The following N4BP1 variants were observed in gnomAD, a reference collection of about 807,000 sequenced individuals.
N4BP1 encodes NEDD4-binding protein 1.
In N4BP1, 21 loss-of-function variants were observed where a neutral mutation model predicts 70.9. The ratio of observed to expected loss-of-function variants is 0.30; its 90% CI spans 0.21 to 0.43. The LOEUF (loss-of-function observed/expected upper bound fraction) is 0.43, where lower values mean the gene tolerates loss of function less well. N4BP1 is among the 20% of genes least tolerant of loss of function. N4BP1 has a pLI of 1.00. For synonymous variants in N4BP1, 387 were observed against 394.6 expected (o/e 0.98, Z 0.23); for missense variants, 936 against 1,069.4 (o/e 0.88, Z 1.74).
intron 1 of N4BP1, among the ~76,000 whole-genome samples, chr16:48,605,261 C>T (rs1286436208): frequency 6.6e-6 from 1 of 152,100 alleles, no homozygotes; most frequent in Non-Finnish European, 1.5e-5. Flanking sequence ...GAACTCCCGA[C>T]CTCAGGTGAT....
In N4BP1 at chr16:48,542,687, C is replaced by T; in HGVS notation, c.*217G>A. 2.3e-6 allele frequency: 1 copy of T among 428,940 alleles called. No homozygotes were observed. Among genetic ancestry groups the T allele is most frequent in the Non-Finnish European group, 4.1e-6 (1 of 243,716 alleles). The allele number at this position is 428,940 out of a possible 1,614,324, so 26.6% of individuals were successfully genotyped here. On this transcript the variant is annotated 3_prime_UTR_variant, in exon 7 of 7. Transcript: ENST00000262384. ...GCAGAAAATGTAGACTTTCCTTTAA[C>T]AGAAAATGTTAAATCTGTAATAGCA...
chr16:48,548,155 C>T (rs1300366911), intron 4 of N4BP1, 41 bp from the exon 5 acceptor site: 16 of 1,166,412 alleles, frequency 1.4e-5, no homozygotes, highest in Non-Finnish European at 2.1e-5. Context: ...CAACAGGCAT[C>T]CTTGGCTCAG....
At chr16:48,597,639 A>G (rs1318706467) in intron 1 of N4BP1, among the ~76,000 whole-genome samples, 1 of 152,174 alleles carries the variant, frequency 6.6e-6, no homozygotes, top group Non-Finnish European at 1.5e-5. Context: ...AACCTGTCCC[A>G]TGACTTCACC....
chr16:48,574,214 A>G (rs766808242), intron 1 of N4BP1, among the ~76,000 whole-genome samples: 11 of 152,220 alleles, frequency 7.2e-5, no homozygotes, highest in Non-Finnish European at 1.2e-4. Context: ...CCATGCGTAT[A>G]TATTATTTTG....
chr16:48,556,629 T>C (rs1284444629), intron 2 of N4BP1, among the ~76,000 whole-genome samples: 1 of 152,212 alleles, frequency 6.6e-6, no homozygotes, highest in Non-Finnish European at 1.5e-5. Flanking sequence ...TATCATCTGG[T>C]TGTTTGCCAT....
intron 2 of N4BP1, among the ~76,000 whole-genome samples, chr16:48,555,321 T>C (rs1963734244): frequency 6.6e-6 from 1 of 151,948 alleles, no homozygotes; most frequent in Non-Finnish European, 1.5e-5. Flanking sequence ...AGCTGGATCA[T>C]ACTCCGGCTT....
intron 1 of N4BP1, among the ~76,000 whole-genome samples, chr16:48,566,530 T>C (rs1414998021): frequency 2.0e-5 from 3 of 152,240 alleles, no homozygotes; most frequent in Non-Finnish European, 4.4e-5. Context: ...CCTGCTATCC[T>C]TCTGTTGGTG....
At chr16:48,578,093 T>G (rs1964124734) in intron 1 of N4BP1, 1 of 158,948 alleles carries the variant, frequency 6.3e-6, no homozygotes, top group Non-Finnish European at 1.4e-5. Flanking sequence ...ACCTCATCCT[T>G]GAGAGAGCCC....
intron 1 of N4BP1, among the ~76,000 whole-genome samples, chr16:48,565,028 C>T (rs764716254): frequency 6.6e-6 from 1 of 152,112 alleles, no homozygotes; most frequent in Non-Finnish European, 1.5e-5. Context: ...TGAAACCTTC[C>T]TGAACTCACT....
chr16:48,577,659 G>C, intron 1 of N4BP1: 1 of 222,752 alleles, frequency 4.5e-6, no homozygotes, highest in Non-Finnish European at 9.3e-6. Context: ...GGGTCAGGCA[G>C]CTGTAGGTCT....
intron 1 of N4BP1, among the ~76,000 whole-genome samples, chr16:48,604,927 T>G (rs577216075): frequency 6.6e-6 from 1 of 152,258 alleles, no homozygotes; most frequent in South Asian, 2.1e-4. Context: ...CACGGCTTCA[T>G]TCACCACAGT....
chr16:48,544,780 G>A (rs1169448038), intron 6 of N4BP1, among the ~76,000 whole-genome samples: 4 of 152,246 alleles, frequency 2.6e-5, no homozygotes, highest in South Asian at 4.1e-4. Flanking sequence ...TAAGCAGTAA[G>A]GAAATTAATA....
Position 48,543,146 on chromosome 16 carries a change from C to T in N4BP1, c.2449G>A (p.Gly817Arg), listed in dbSNP as rs747796282. The T allele has an allele frequency of 1.2e-6, 2 of 1,605,268 alleles. No individual in the cohort carries two copies. The highest frequency in any genetic ancestry group is 1.3e-5 in the African/African-American group (1 of 74,910). Reference protein sequence around the residue: ...TSHQPPTRIQGAPSSHWLPQQ... With the variant: ...TSHQPPTRIQRAPSSHWLPQQ... ...GGGAGCCAGTGGCTTGAAGGGGCTC[C>T]CTGAATCCGGGTCGGAGGCTGGTGG... is the stretch of plus-strand genomic sequence containing the variant. The change falls in exon 7 of 7, where the codon GGA becomes AGA. Residue 817 changes from glycine (G) to arginine (R), a missense_variant. Gly to Arg is a moderately radical substitution (Grantham distance 125, BLOSUM62 -2). Transcript: ENST00000262384.
chr16:48,582,795 A>G (rs966081603), intron 1 of N4BP1, among the ~76,000 whole-genome samples: 10 of 152,194 alleles, frequency 6.6e-5, no homozygotes, highest in African/African-American at 2.4e-4. Flanking sequence ...GGACCACTGT[A>G]CATGAAAAAA....
chr16:48,562,479 C>T (rs769116720), intron 1 of N4BP1, 35 bp from the exon 2 acceptor site: 81 of 1,529,932 alleles, frequency 5.3e-5, no homozygotes, highest in Middle Eastern at 1.8e-4. Context: ...GGTCAATTTA[C>T]AAAAGTTCCT....
intron 1 of N4BP1, among the ~76,000 whole-genome samples, chr16:48,583,457 G>A (rs1393449290): frequency 2.6e-5 from 4 of 152,166 alleles, no homozygotes; most frequent in Non-Finnish European, 5.9e-5. Context: ...AGTTAGATAG[G>A]AGGAATAAAT....
At chr16:48,557,284 T>C (rs906811252) in intron 2 of N4BP1, among the ~76,000 whole-genome samples, 1 of 152,152 alleles carries the variant, frequency 6.6e-6, no homozygotes, top group Non-Finnish European at 1.5e-5. Flanking sequence ...TAGTCAGCAG[T>C]GCTATGCAAC....
chr16:48,553,934 A>G (rs1239674271), intron 2 of N4BP1, among the ~76,000 whole-genome samples: 1 of 152,200 alleles, frequency 6.6e-6, no homozygotes, highest in African/African-American at 2.4e-5. Context: ...AGTGAGCTCC[A>G]TGGTAATACT....
At chr16:48,562,953 T>C (rs1432869521) in intron 1 of N4BP1, among the ~76,000 whole-genome samples, 3 of 150,208 alleles carry the variant, frequency 2.0e-5, no homozygotes, top group African/African-American at 7.4e-5. Context: ...AAAGCAAGTT[T>C]ATTAAGAAGC....
Sources: gnomAD v4.1 joint callset for allele counts (sites outside exome capture counted in the v4.1 genomes callset) on GRCh38, gnomAD v4.1.1 for gene constraint, MANE v1.5 for transcripts, NCBI Gene and HGNC (gene_info 2026-07-23, HGNC 2026-07-21) for gene names.